MS4A13: variants seen among roughly 807,000 people sequenced by gnomAD.
The protein encoded by MS4A13 is membrane spanning 4-domains A13.
A neutral mutation model predicts 18.4 loss-of-function variants in MS4A13; 21 were observed. That is an observed-to-expected ratio of 1.14 (90% CI 0.81 to 1.64). The LOEUF is 1.64. Among genes scored for constraint, MS4A13 ranks in the 40% most tolerant of loss-of-function variants. The probability of loss-of-function intolerance (pLI) is 0.00; values close to 1 mark genes in which losing one functional copy is unlikely to be tolerated. For synonymous variants in MS4A13, 62 were observed against 57.2 expected (o/e 1.08, Z -0.38); for missense variants, 173 against 176.8 (o/e 0.98, Z 0.12).
Position 60,518,092 on chromosome 11 carries a change from C to T in MS4A13, c.9C>T (p.Gly3=), listed in dbSNP as rs1253774278. Residue 3 remains glycine, a synonymous_variant, in exon 3 of 7, where the codon GGC becomes GGT. Transcript: ENST00000378186. MI[G]IFHIFMWYFL... ...CACAGACTATCCAGATTATGATTGG[C>T]ATCTTTCACATTTTCATGTGGTACT... The T allele has an allele frequency of 1.3e-6, 2 of 1,597,842 alleles. No homozygotes were observed. Among genetic ancestry groups the T allele is most frequent in the Non-Finnish European group, 1.7e-6 (2 of 1,168,530 alleles).
chr11:60,542,622 G>A lies in MS4A13; in HGVS notation c.*47G>A. On this transcript the variant is annotated 3_prime_UTR_variant, in exon 7 of 7. Coordinates refer to ENST00000378186, the MANE Select transcript of MS4A13 (RefSeq NM_001012417.3). Reference sequence around the variant, plus strand: ...TTTGCTGTTGCTGATGCCTGGTGTGGGTCCTAATGATATCTCTGTATAACA... The same window carrying A: ...TTTGCTGTTGCTGATGCCTGGTGTGAGTCCTAATGATATCTCTGTATAACA... The A allele has an allele frequency of 8.1e-7, 1 of 1,233,632 alleles. No individual in the cohort carries two copies. The highest frequency in any genetic ancestry group is 1.2e-6 in the Non-Finnish European group (1 of 849,694). 76.4% of individuals were successfully genotyped at this position (1,233,632 alleles called of 1,614,324 possible). A position where few individuals can be genotyped will look rare whatever the true frequency, so the allele number is the denominator to read the frequency against.
intron 6 of MS4A13, among the ~76,000 whole-genome samples, chr11:60,532,256 G>A (rs1000102863): frequency 1.3e-5 from 2 of 152,352 alleles, no homozygotes; most frequent in African/African-American, 4.8e-5. Flanking sequence ...TTCCATCTGA[G>A]GTACCAGGTT....
intron 3 of MS4A13, among the ~76,000 whole-genome samples, chr11:60,523,084 C>T (rs1004723081): frequency 7.9e-5 from 12 of 152,272 alleles, no homozygotes; most frequent in African/African-American, 1.4e-4. Flanking sequence ...CTAGTTCTTA[C>T]GTTCACTGTG....
At chr11:60,532,755 C>G (rs1249749672) in intron 6 of MS4A13, among the ~76,000 whole-genome samples, 1 of 131,466 alleles carries the variant, frequency 7.6e-6, no homozygotes, top group Non-Finnish European at 1.6e-5. Flanking sequence ...GTAACCTCTG[C>G]AGACTTAAGT....
At chr11:60,540,328 C>T (rs1418540998) in intron 6 of MS4A13, among the ~76,000 whole-genome samples, 1 of 152,112 alleles carries the variant, frequency 6.6e-6, no homozygotes, top group Non-Finnish European at 1.5e-5. Flanking sequence ...AGCTTGCCAA[C>T]CCTTCTTCAA....
At chr11:60,538,786 GC>G (rs1373814161) in intron 6 of MS4A13, among the ~76,000 whole-genome samples, 2 of 139,620 alleles carry the variant, frequency 1.4e-5, no homozygotes, top group Non-Finnish European at 3.1e-5. Flanking sequence ...CCTAATCTAA[GC>G]CCCTAAGCTC....
intron 6 of MS4A13, among the ~76,000 whole-genome samples, chr11:60,532,195 C>T (rs565331278): frequency 9.4e-4 from 143 of 152,328 alleles, no homozygotes; most frequent in African/African-American, 3.1e-3. Flanking sequence ...GGAACAGCTC[C>T]GGTCTACAGC....
intron 3 of MS4A13, among the ~76,000 whole-genome samples, chr11:60,522,148 G>A (rs1005964919): frequency 3.3e-5 from 5 of 151,736 alleles, no homozygotes; most frequent in African/African-American, 1.2e-4. Flanking sequence ...GAAGCTACAA[G>A]ATGAGATTTG....
intron 5 of MS4A13, among the ~76,000 whole-genome samples, chr11:60,528,601 A>G (rs763624648): frequency 3.9e-5 from 6 of 152,206 alleles, no homozygotes; most frequent in Non-Finnish European, 8.8e-5. Context: ...CCAAACAAAG[A>G]AGGAGGAGGA....
At chr11:60,525,637 C>T (rs1335660656) in intron 5 of MS4A13, among the ~76,000 whole-genome samples, 2 of 152,146 alleles carry the variant, frequency 1.3e-5, no homozygotes, top group Non-Finnish European at 2.9e-5. Context: ...AAAGTATAAT[C>T]CTGGACAATA....
chr11:60,542,463 A>G (rs1306965969), intron 6 of MS4A13, 56 bp from the exon 7 acceptor site: 2 of 1,154,632 alleles, frequency 1.7e-6, no homozygotes, highest in Admixed American at 1.9e-5. Context: ...TCTATTTATT[A>G]GTTGTATAAT....
At position 60,542,526 on chromosome 11, in the gene MS4A13, G is replaced by T; in HGVS notation, c.410G>T (p.Arg137Ile). Residue 137 changes from arginine to isoleucine, a missense_variant, in exon 7 of 7, where the codon AGA (arginine) becomes ATA (isoleucine). Transcript: ENST00000378186. ...SIYSCSNLFR[R>I]QNDLTSVTEE... The stretch of plus-strand genomic sequence containing the variant: ...AGGTTACTTTTTTTCCAGTTTCGAA[G>T]ACAAAATGATCTTACATCTGTTACT... The T allele has an allele frequency of 6.2e-7, 1 of 1,608,972 alleles. No homozygotes were observed. Among genetic ancestry groups the T allele is most frequent in the South Asian group, 1.1e-5 (1 of 90,256 alleles).
chr11:60,517,010 A>T (rs925370039), intron 2 of MS4A13, among the ~76,000 whole-genome samples: 4 of 151,774 alleles, frequency 2.6e-5, no homozygotes, highest in African/African-American at 4.8e-5. Flanking sequence ...AAAACAATAA[A>T]AAAAAAAAAA....
At chr11:60,528,185 T>C (rs2086734764) in intron 5 of MS4A13, among the ~76,000 whole-genome samples, 1 of 152,236 alleles carries the variant, frequency 6.6e-6, no homozygotes, top group Non-Finnish European at 1.5e-5. Flanking sequence ...ACTGGTTGTA[T>C]TTTATGTCTC....
chr11:60,532,544 G>C (rs981336675), intron 6 of MS4A13, among the ~76,000 whole-genome samples: 2 of 152,198 alleles, frequency 1.3e-5, no homozygotes, highest in Admixed American at 6.5e-5. Flanking sequence ...CTCGCTGATT[G>C]CTAGCACAGC....
intron 6 of MS4A13, among the ~76,000 whole-genome samples, chr11:60,541,779 T>C (rs113292818): frequency 6.6e-6 from 1 of 152,112 alleles, no homozygotes; most frequent in African/African-American, 2.4e-5. Flanking sequence ...CACCAAAAGA[T>C]ACAAGTGATC....
At chr11:60,539,749 A>G (rs1449160836) in intron 6 of MS4A13, among the ~76,000 whole-genome samples, 5 of 152,236 alleles carry the variant, frequency 3.3e-5, no homozygotes, top group Non-Finnish European at 5.9e-5. Flanking sequence ...AACCACAATA[A>G]TATAAACAGC....
chr11:60,525,238 G>T lies in MS4A13; in HGVS notation c.218G>T (p.Cys73Phe), dbSNP rs1380820392. 5 of 1,566,824 alleles carry T rather than the reference G, an allele frequency of 3.2e-6. No individual in the cohort carries two copies. The highest frequency in any genetic ancestry group is 4.4e-6 in the Non-Finnish European group (5 of 1,139,204). Residue 73 changes from cysteine (C) to phenylalanine (F), a missense_variant, in exon 5 of 7, where the codon TGC becomes TTC. Transcript: ENST00000378186. ...IISTLIINII[C>F]IITTITAVTL... Reference sequence around the variant, plus strand: ...AGTACTTTAATCATAAACATCATCTGCATAATTACTACAATTACTGCAGTA... The same window carrying T: ...AGTACTTTAATCATAAACATCATCTTCATAATTACTACAATTACTGCAGTA...
chr11:60,524,254 T>A (rs1729375552), intron 4 of MS4A13, among the ~76,000 whole-genome samples: 1 of 152,206 alleles, frequency 6.6e-6, no homozygotes, highest in African/African-American at 2.4e-5. Context: ...TAGGACCTAA[T>A]GCCTTTAGAT....
Sources: allele counts gnomAD v4.1 joint callset (sites outside exome capture counted in the v4.1 genomes callset), GRCh38; gene constraint gnomAD v4.1.1; transcripts MANE v1.5; gene names NCBI Gene and HGNC (gene_info 2026-07-23, HGNC 2026-07-21).